Variants in IL1RAPL2 observed in about 807,000 individuals in gnomAD.
IL1RAPL2 encodes the protein X-linked interleukin-1 receptor accessory protein-like 2.
In IL1RAPL2, 3 loss-of-function variants were observed where a neutral mutation model predicts 44.1. That is an observed-to-expected ratio of 0.07 (90% CI 0.03 to 0.18). The LOEUF is 0.18. Ranked by LOEUF, IL1RAPL2 falls within the 10% of genes least tolerant of loss-of-function variation. The probability of loss-of-function intolerance (pLI) is 1.00; values close to 1 mark genes in which losing one functional copy is unlikely to be tolerated. For synonymous variants in IL1RAPL2, 181 were observed against 178.8 expected (o/e 1.01, Z -0.10); for missense variants, 391 against 496.4 (o/e 0.79, Z 2.02).
chrX:104,691,040 G>A (rs1931083570), intron 2 of IL1RAPL2, among the ~76,000 whole-genome samples: 1 of 111,773 alleles, frequency 8.9e-6, no homozygotes, highest in South Asian at 3.8e-4. Flanking sequence ...CAAAGTGTAA[G>A]AATGATTTTG....
chrX:105,218,764 C>T, intron 3 of IL1RAPL2, among the ~76,000 whole-genome samples: 1 of 107,186 alleles, frequency 9.3e-6, no homozygotes, highest in African/African-American at 3.4e-5. Flanking sequence ...CTTTCACAAC[C>T]CCTACTTTCC....
rs1393191775 is a variant in IL1RAPL2, at chrX:105,240,530, T to C, written c.543+6526T>C. Reference sequence around the variant, plus strand: ...TGACTCTAAAGTTATGAGAAACCCGTATTCAAGAGTGCTTTTCAGGGTCCT... The same window carrying C: ...TGACTCTAAAGTTATGAGAAACCCGCATTCAAGAGTGCTTTTCAGGGTCCT... On this transcript the variant is annotated intron_variant, in intron 4 of 10. Transcript: ENST00000372582. Among the ~76,000 whole-genome samples, 3 of 112,081 alleles carry C rather than the reference T, an allele frequency of 2.7e-5. No homozygotes were observed. In the East Asian group the frequency reaches 8.4e-4, roughly 31 times the overall value.
chrX:105,355,241 C>A (rs1040992795), intron 5 of IL1RAPL2, among the ~76,000 whole-genome samples: 1 of 111,506 alleles, frequency 9.0e-6, no homozygotes, highest in Non-Finnish European at 1.9e-5. Flanking sequence ...GTACCCATGC[C>A]CACTTCTCCA....
intron 2 of IL1RAPL2, among the ~76,000 whole-genome samples, chrX:105,015,813 T>C (rs1364162792): frequency 8.9e-6 from 1 of 111,841 alleles, no homozygotes; most frequent in Admixed American, 9.5e-5. Flanking sequence ...TTTGATTCCA[T>C]ATGAAATTTA....
intron 5 of IL1RAPL2, among the ~76,000 whole-genome samples, chrX:105,294,545 T>C (rs1433902490): frequency 5.4e-5 from 6 of 112,131 alleles, no homozygotes; most frequent in Admixed American, 9.5e-5. Context: ...AAAAAGTAAA[T>C]GGTTTAACCT....
At chrX:104,679,263 A>G (rs1930849085) in intron 2 of IL1RAPL2, among the ~76,000 whole-genome samples, 1 of 111,755 alleles carries the variant, frequency 8.9e-6, no homozygotes, top group Admixed American at 9.5e-5. Context: ...AAAAAAATAA[A>G]CAGGAAACAC....
chrX:104,904,675 G>GC (rs1394742351), intron 2 of IL1RAPL2, among the ~76,000 whole-genome samples: 4 of 109,836 alleles, frequency 3.6e-5, no homozygotes, highest in Non-Finnish European at 7.6e-5. Context: ...GTGTATATGT[G>GC]CCACATTTTC....
At position 105,495,843 on chromosome X, in the gene IL1RAPL2, C is replaced by A. The variant is rs188885455; in HGVS notation, c.772+11456C>A. On this transcript the variant is annotated intron_variant, in intron 6 of 10. Coordinates refer to ENST00000372582, the MANE Select transcript of IL1RAPL2 (RefSeq NM_017416.2). The stretch of plus-strand genomic sequence containing the variant: ...GCCACAACCATCTGAGTGGACTCCT[C>A]CTCTCGGCCAGGGCGTTCCAAAGTT... Among the ~76,000 whole-genome samples the A allele has an allele frequency of 3.6e-5, 4 of 111,401 alleles. No homozygotes were observed. The East Asian group carries it at 1.1e-3, about 32-fold the overall frequency.
At chrX:104,618,817 A>G (rs1330245693) in intron 1 of IL1RAPL2, among the ~76,000 whole-genome samples, 2 of 111,274 alleles carry the variant, frequency 1.8e-5, no homozygotes, top group Non-Finnish European at 3.8e-5. Flanking sequence ...GCCTTGCTAT[A>G]CCAGGATCTA....
chrX:104,981,415 A>G (rs1260851972), intron 2 of IL1RAPL2, among the ~76,000 whole-genome samples: 1 of 109,847 alleles, frequency 9.1e-6, no homozygotes, highest in Non-Finnish European at 1.9e-5. Context: ...AATGCTACCA[A>G]TTTTTTTTAC....
At chrX:104,602,383 C>G (rs1258000700) in intron 1 of IL1RAPL2, among the ~76,000 whole-genome samples, 1 of 111,560 alleles carries the variant, frequency 9.0e-6, no homozygotes, top group African/African-American at 3.3e-5. Flanking sequence ...GGGTTTCAAG[C>G]ACAAAACTGG....
At chrX:105,655,820 T>C (rs977269555) in intron 6 of IL1RAPL2, among the ~76,000 whole-genome samples, 11 of 112,041 alleles carry the variant, frequency 9.8e-5, no homozygotes, top group African/African-American at 2.9e-4. Context: ...CTTTTATACA[T>C]TTTTTGTTTA....
chrX:105,575,070 C>T (rs972804010), intron 6 of IL1RAPL2, among the ~76,000 whole-genome samples: 1 of 112,130 alleles, frequency 8.9e-6, no homozygotes, highest in African/African-American at 3.2e-5. Flanking sequence ...TTATTTGTGT[C>T]ATAAGTCAGT....
chrX:105,237,166 A>G (rs1326530752), intron 4 of IL1RAPL2, among the ~76,000 whole-genome samples: 1 of 112,083 alleles, frequency 8.9e-6, no homozygotes, highest in Non-Finnish European at 1.9e-5. Flanking sequence ...TCCCTACAAA[A>G]GACATGAACT....
chrX:104,654,415 A>C (rs899021530), intron 1 of IL1RAPL2, among the ~76,000 whole-genome samples: 2 of 110,755 alleles, frequency 1.8e-5, no homozygotes, highest in Admixed American at 1.9e-4. Context: ...AGAGTATCTC[A>C]GGAGGAAGAC....
At chrX:104,634,440 G>T (rs1202556791) in intron 1 of IL1RAPL2, among the ~76,000 whole-genome samples, 2 of 111,305 alleles carry the variant, frequency 1.8e-5, no homozygotes, top group Admixed American at 9.5e-5. Context: ...TGTTGACAGT[G>T]GGGTATTAAA....
chrX:104,779,360 G>A (rs1932758176), intron 2 of IL1RAPL2, among the ~76,000 whole-genome samples: 1 of 111,491 alleles, frequency 9.0e-6, no homozygotes, highest in Admixed American at 9.5e-5. Context: ...TCGTCTTCCA[G>A]GTACAAACAG....
chrX:104,785,073 G>A (rs1293209103), intron 2 of IL1RAPL2, among the ~76,000 whole-genome samples: 1 of 110,576 alleles, frequency 9.0e-6, no homozygotes, highest in African/African-American at 3.3e-5. Context: ...AGTCAGTGGT[G>A]CAATCACAGC....
chrX:105,747,569 TAC>T (rs1424551969), intron 8 of IL1RAPL2, among the ~76,000 whole-genome samples: 1 of 101,204 alleles, frequency 9.9e-6, no homozygotes, highest in Non-Finnish European at 2.0e-5. Flanking sequence ...CACACATATA[TAC>T]ACACATATAT....
Sources: gnomAD v4.1 joint callset for allele counts (sites outside exome capture counted in the v4.1 genomes callset) on GRCh38, gnomAD v4.1.1 for gene constraint, MANE v1.5 for transcripts, NCBI Gene and HGNC (gene_info 2026-07-23, HGNC 2026-07-21) for gene names.